Variants in ADCY7 observed in about 807,000 individuals in gnomAD.
ADCY7 encodes the protein adenylate cyclase type 7.
ADCY7 carries 72 observed loss-of-function variants against 120.6 expected under a neutral mutation model. That is an observed-to-expected ratio of 0.60 (90% CI 0.49 to 0.73). The LOEUF is 0.73. ADCY7 is among the 30% of genes least tolerant of loss of function. ADCY7 has a pLI of 0.00. For synonymous variants in ADCY7, 661 were observed against 628.0 expected, an observed-to-expected ratio of 1.05 and a Z score of -0.78; for missense variants, 1,227 against 1,486.0, an observed-to-expected ratio of 0.83 and a Z score of 2.87.
At chr16:50,281,395 G>GGCAGGTGCA (rs1358987444) in intron 1 of ADCY7, among the ~76,000 whole-genome samples, 5 of 152,130 alleles carry the variant, frequency 3.3e-5, no homozygotes, top group African/African-American at 9.7e-5. Context: ...AGGCAGGTGC[G>GGCAGGTGCA]GCAGGTGCAG....
chr16:50,310,706 T>C lies in ADCY7; in HGVS notation c.2180T>C (p.Val727Ala), dbSNP rs770786294. ...EPLPYYTCSC[V>A]LGFIACSVFL... ...CCTCAGTACTACACCTGCAGCTGTG[T>C]CCTGGGCTTCATCGCCTGCTCGGTC... Residue 727 changes from valine to alanine, a missense_variant, in exon 19 of 26, where the codon GTC (valine) becomes GCC (alanine). Val to Ala is a moderately conservative substitution (Grantham distance 64). Around this residue, in one of 5 missense-constraint regions of ADCY7, gnomAD observed 267 missense variants for 270.0 expected, o/e 0.99. Transcript: ENST00000673801. 1.3e-5 allele frequency: 21 copies of C among 1,613,934 alleles called. No homozygotes were observed. Among genetic ancestry groups the C allele is most frequent in the Non-Finnish European group, 1.7e-5 (20 of 1,180,000 alleles).
At chr16:50,306,880 A>T (rs1230643170) in intron 14 of ADCY7, among the ~76,000 whole-genome samples, 170 bp from the exon 15 acceptor site, 1 of 152,174 alleles carries the variant, frequency 6.6e-6, no homozygotes, top group Non-Finnish European at 1.5e-5. Flanking sequence ...GGCTGGTCTC[A>T]AACTACTGGG....
chr16:50,292,180 G>A (rs1286404098), intron 4 of ADCY7, among the ~76,000 whole-genome samples: 2 of 152,270 alleles, frequency 1.3e-5, no homozygotes, highest in Non-Finnish European at 2.9e-5. Flanking sequence ...GTCGTGGGGT[G>A]AGTCCCATTG....
chr16:50,308,775 G>T lies in ADCY7; in HGVS notation c.2044G>T (p.Val682Leu), dbSNP rs202220919. Reference sequence around the variant, plus strand: ...CCTGACCATCGGCAGCCTGCTCACTGTGGCCATCATCAACCTGGTGGGTCC... The same window carrying T: ...CCTGACCATCGGCAGCCTGCTCACTTTGGCCATCATCAACCTGGTGGGTCC... ...AVLTIGSLLT[V>L]AIINLPLMPF... Residue 682 changes from valine (V) to leucine (L), a missense_variant, in exon 17 of 26, where the codon GTG becomes TTG. By Grantham distance (32) the Val-to-Leu change is conservative. This residue lies in a region of ADCY7 where 267 missense variants were observed against 270.0 expected (regional missense o/e 0.99). Coordinates refer to ENST00000673801, the MANE Select transcript of ADCY7 (RefSeq NM_001114.5). The T allele has an allele frequency of 3.0e-5, 48 of 1,611,190 alleles. No individual in the cohort carries two copies. In the East Asian group the frequency reaches 7.8e-4, roughly 26 times the overall value.
intron 8 of ADCY7, among the ~76,000 whole-genome samples, chr16:50,299,520 T>G (rs1352577315): frequency 1.3e-5 from 2 of 152,198 alleles, no homozygotes; most frequent in African/African-American, 2.4e-5. Flanking sequence ...TGGGAGGAAT[T>G]TGCCGAGAGG....
At chr16:50,269,570 T>G (rs560299728) in intron 1 of ADCY7, among the ~76,000 whole-genome samples, 1 of 152,308 alleles carries the variant, frequency 6.6e-6, no homozygotes, top group South Asian at 2.1e-4. Flanking sequence ...GGTTGGGTCA[T>G]GCCTTAGCCA....
rs1480091110 is a variant in ADCY7 at position 50,313,134 on chromosome 16, G to C, written c.2751+98G>C. On this transcript the variant is annotated intron_variant, in intron 22 of 25. Transcript: ENST00000673801. ...ATCCTAAAACCCAATTTAAAAATGT[G>C]ACACAGAGCTGGGCAAGGTGGTCTA... The C allele has an allele frequency of 2.0e-6, 3 of 1,513,948 alleles. No homozygotes were observed. The East Asian group carries it at 7.0e-5, about 35-fold the overall frequency. The allele number at this position is 1,513,948 out of a possible 1,614,324, so 93.8% of individuals were successfully genotyped here. A position where few individuals can be genotyped will look rare whatever the true frequency, so the allele number is the denominator to read the frequency against.
chr16:50,247,460 C>T (rs2032625681), intron 1 of ADCY7, among the ~76,000 whole-genome samples: 1 of 151,764 alleles, frequency 6.6e-6, no homozygotes, highest in South Asian at 2.1e-4. Flanking sequence ...CTCCCAGGCT[C>T]AGGTGATCCT....
intron 19 of ADCY7, 53 bp downstream of exon 19, chr16:50,310,933 T>C: frequency 1.3e-6 from 2 of 1,499,696 alleles, no homozygotes; most frequent in South Asian, 1.3e-5. Context: ...GTTCATCTGG[T>C]GCCTGCCTGC....
chr16:50,283,905 C>T lies in ADCY7; in HGVS notation c.-268-4007C>T, dbSNP rs1078151. 5.5e-4 allele frequency among the ~76,000 whole-genome samples: 83 copies of T among 151,980 alleles called. 1 individual carries two copies. The South Asian group carries it at 0.016, about 30-fold the overall frequency. On this transcript the variant is annotated intron_variant, in intron 1 of 25. Coordinates refer to ENST00000673801, the MANE Select transcript of ADCY7 (RefSeq NM_001114.5). ...GAGACTGCCCTGAGAGGTGGTGAGC[C>T]CCCCCGTCATGGAGGTGTGCAAGCT...
chr16:50,310,444 G>C, intron 18 of ADCY7: 1 of 1,535,852 alleles, frequency 6.5e-7, no homozygotes, highest in East Asian at 2.4e-5. Context: ...GTGGTCTGTT[G>C]TATCCACAGC....
At chr16:50,298,847 C>A (rs373262897) in intron 7 of ADCY7, 57 bp from the exon 8 acceptor site, 15 of 1,572,706 alleles carry the variant, frequency 9.5e-6, no homozygotes, top group African/African-American at 6.7e-5. Flanking sequence ...AGGCGGCTGT[C>A]GTGAGAGGTC....
In ADCY7 at chr16:50,315,146, C is replaced by G. The variant is rs367770981; in HGVS notation, c.3096+8C>G. The G allele has an allele frequency of 8.1e-5, 130 of 1,613,740 alleles. No homozygotes were observed. The highest frequency in any genetic ancestry group is 1.0e-4 in the Non-Finnish European group (123 of 1,179,878). ...GAACTTGGGAAAATCCAGGTAAAGA[C>G]CTATTGGGGAAGCAGTTGACTAAGG... is the stretch of plus-strand genomic sequence containing the variant. On this transcript the variant is annotated splice_region_variant and intron_variant, in intron 25 of 25. Transcript: ENST00000673801.
rs1037793509 is a variant in ADCY7 at position 50,316,761 on chromosome 16, G to T, written c.*1256G>T. ...CAACCTAACTGTAACAACAGGGTGAGAAATGACCAAACTGCCCGTGACTTT... is the reference window on the plus strand; with the variant it reads ...CAACCTAACTGTAACAACAGGGTGATAAATGACCAAACTGCCCGTGACTTT... On this transcript the variant is annotated 3_prime_UTR_variant, in exon 26 of 26. Transcript: ENST00000673801. The T allele has an allele frequency of 2.0e-5, 3 of 152,368 alleles. No homozygotes were observed. The highest frequency in any genetic ancestry group is 7.2e-5 in the African/African-American group (3 of 41,450). The allele number at this position is 152,368 out of a possible 1,614,324, so 9.4% of individuals were successfully genotyped here.
In ADCY7 at chr16:50,315,704, G is replaced by A. The variant is rs2036769887; in HGVS notation, c.*199G>A. 10 of 605,118 alleles carry A rather than the reference G, an allele frequency of 1.7e-5. No homozygotes were observed. The highest frequency in any genetic ancestry group is 1.4e-5 in the Non-Finnish European group (5 of 359,150). The allele number at this position is 605,118 out of a possible 1,614,324, so 37.5% of individuals were successfully genotyped here. ...CGAAGCAGCCACTGAGCCATAATGC[G>A]CAGGGGAGGCCAGAAGCTCTGTGCC... is the stretch of plus-strand genomic sequence containing the variant. On this transcript the variant is annotated 3_prime_UTR_variant, in exon 26 of 26. Transcript: ENST00000673801.
intron 6 of ADCY7, 24 bp downstream of exon 6, chr16:50,293,526 G>T (rs749253763): frequency 6.2e-7 from 1 of 1,611,770 alleles, no homozygotes; most frequent in Non-Finnish European, 8.5e-7. Context: ...CGTGTGATTA[G>T]CATATCCCGG....
intron 1 of ADCY7, among the ~76,000 whole-genome samples, chr16:50,261,273 G>A (rs2033050356): frequency 1.3e-5 from 2 of 152,336 alleles, no homozygotes; most frequent in South Asian, 4.1e-4. Flanking sequence ...GTGGGGCACT[G>A]GGGAAGGCTT....
Position 50,308,558 on chromosome 16 carries a change from T to G in ADCY7, c.1936-109T>G. ...CTCTCCTGCCTCGGGGACAATTTCC[T>G]GAGTGCCCTGGAGGCTTCTCCCGAG... On this transcript the variant is annotated intron_variant, in intron 16 of 25. Transcript: ENST00000673801. The G allele has an allele frequency of 1.9e-6, 3 of 1,549,194 alleles. No homozygotes were observed. The East Asian group carries it at 6.8e-5, about 35-fold the overall frequency.
In ADCY7 at chr16:50,315,673, C is replaced by G. The variant is rs758737314; in HGVS notation, c.*168C>G. On this transcript the variant is annotated 3_prime_UTR_variant, in exon 26 of 26. Coordinates refer to ENST00000673801, the MANE Select transcript of ADCY7 (RefSeq NM_001114.5). ...ATTTCTCAGACACATGCACCAGATT[C>G]TGGCTCGAAGCAGCCACTGAGCCAT... is the stretch of plus-strand genomic sequence containing the variant. The G allele has an allele frequency of 7.0e-6, 6 of 853,998 alleles. No homozygotes were observed. Among genetic ancestry groups the G allele is most frequent in the Non-Finnish European group, 1.0e-5 (6 of 573,622 alleles). 52.9% of individuals were successfully genotyped at this position (853,998 alleles called of 1,614,324 possible).
Sources: gnomAD v4.1 joint callset for allele counts (sites outside exome capture counted in the v4.1 genomes callset) on GRCh38, gnomAD v4.1.1 for gene constraint, gnomAD v4.1.1 regional missense constraint, MANE v1.5 for transcripts, NCBI Gene and HGNC (gene_info 2026-07-23, HGNC 2026-07-21) for gene names.